The following VPS35 variants were observed in gnomAD, a reference collection of about 807,000 sequenced individuals.
VPS35 encodes VPS35 retromer complex component.
In VPS35, 21 loss-of-function variants were observed where a neutral mutation model predicts 98.1. The ratio of observed to expected loss-of-function variants is 0.21; its 90% CI spans 0.15 to 0.31. VPS35 has a LOEUF of 0.31. Among genes scored for constraint, VPS35 ranks in the 10% least tolerant of loss-of-function variants. The pLI is 1.00. For missense variants in VPS35, 554 were observed against 950.8 expected (o/e 0.58, Z 5.49); for synonymous variants, 268 against 318.2 (o/e 0.84, Z 1.68).
At chr16:46,667,295 T>G (rs1396158652) in intron 13 of VPS35, among the ~76,000 whole-genome samples, 2 of 152,200 alleles carry the variant, frequency 1.3e-5, no homozygotes, top group African/African-American at 2.4e-5. Context: ...CCTTTGCTCA[T>G]TTTTAAATCA....
chr16:46,671,898 A>G, intron 11 of VPS35, 38 bp from the exon 12 acceptor site: 1 of 1,610,974 alleles, frequency 6.2e-7, no homozygotes, highest in Non-Finnish European at 8.5e-7. Context: ...ACTGAGGTGA[A>G]ACCATTGGCA....
At chr16:46,682,247 T>A (rs1966246361) in intron 2 of VPS35, 72 bp from the exon 3 acceptor site, 1 of 1,181,008 alleles carries the variant, frequency 8.5e-7, no homozygotes, top group Non-Finnish European at 1.2e-6. Context: ...GTACAAATTC[T>A]TTACATCAAG....
chr16:46,671,213 T>C (rs1201069878), intron 12 of VPS35, among the ~76,000 whole-genome samples: 1 of 152,156 alleles, frequency 6.6e-6, no homozygotes, highest in African/African-American at 2.4e-5. Flanking sequence ...ATGACAAATA[T>C]AATTTATACT....
intron 15 of VPS35, 36 bp downstream of exon 15, chr16:46,662,207 T>A: frequency 6.2e-7 from 1 of 1,613,950 alleles, no homozygotes; most frequent in Non-Finnish European, 8.5e-7. Context: ...CTGTTATGGA[T>A]CCTGTCTGCT....
At chr16:46,674,540 A>G (rs1966115308) in intron 9 of VPS35, 24 bp downstream of exon 9, 1 of 1,607,110 alleles carries the variant, frequency 6.2e-7, no homozygotes, top group African/African-American at 1.3e-5. Context: ...AGTTTTGAGA[A>G]CTTAGGAGAA....
chr16:46,668,892 A>G, intron 13 of VPS35, 38 bp downstream of exon 13: 1 of 1,612,694 alleles, frequency 6.2e-7, no homozygotes, highest in East Asian at 2.2e-5. Context: ...GTGATGAAAG[A>G]GGAAAAAAAG....
In VPS35 at chr16:46,671,875, G is replaced by A. The variant is rs1354808610; in HGVS notation, c.1369-15C>T. On this transcript the variant is annotated splice_polypyrimidine_tract_variant and intron_variant, in intron 11 of 16. Transcript: ENST00000299138. ...ATGGAATCCACCTGTAACATGCGAG[G>A]CACAAGAAACCCACTGAGGTGAAAC... 6.2e-7 allele frequency: 1 copy of A among 1,611,772 alleles called. No individual in the cohort carries two copies. Among genetic ancestry groups the A allele is most frequent in the South Asian group, 1.1e-5 (1 of 90,932 alleles).
rs546711965 is a variant in VPS35, at chr16:46,668,854, A to C, written c.1647+76T>G. On this transcript the variant is annotated intron_variant, in intron 13 of 16. Coordinates refer to ENST00000299138, the MANE Select transcript of VPS35 (RefSeq NM_018206.6). Reference sequence around the variant, plus strand: ...TTTTGTACGTTTGAAATTTTTTATAATATAAAACAAACACACACACACTCA... The same window carrying C: ...TTTTGTACGTTTGAAATTTTTTATACTATAAAACAAACACACACACACTCA... 9.7e-4 allele frequency: 1,522 copies of C among 1,574,588 alleles called. 2 individuals are homozygous for C. Among genetic ancestry groups the C allele is most frequent in the Non-Finnish European group, 1.3e-3 (1,456 of 1,160,000 alleles).
At position 46,662,469 on chromosome 16, in the gene VPS35, T is replaced by A; in HGVS notation, c.1841A>T (p.Tyr614Phe). The A allele has an allele frequency of 6.2e-7, 1 of 1,614,070 alleles. No homozygotes were observed. The highest frequency in any genetic ancestry group is 8.5e-7 in the Non-Finnish European group (1 of 1,180,032). ...YEFMSQAFSL[Y>F]EDEISDSKAQ... ...TTTGGAATCGCTGATTTCATCTTCA[T>A]ACAGAGAAAATGCCTAGTGAACATA... Residue 614 changes from tyrosine (Y) to phenylalanine (F), a missense_variant, in exon 15 of 17, where the codon TAT (tyrosine) becomes TTT (phenylalanine). By Grantham distance (22) the Tyr-to-Phe change is conservative. Around this residue, in one of 5 missense-constraint regions of VPS35, gnomAD observed 3 missense variants for 24.0 expected, o/e 0.13. Transcript: ENST00000299138.
At chr16:46,672,826 T>C (rs1191851546) in intron 10 of VPS35, among the ~76,000 whole-genome samples, 3 of 152,218 alleles carry the variant, frequency 2.0e-5, no homozygotes, top group Non-Finnish European at 4.4e-5. Flanking sequence ...CCAACAAGTA[T>C]TGTATATTCA....
chr16:46,679,496 G>A (rs1332165773), intron 5 of VPS35, among the ~76,000 whole-genome samples: 1 of 152,200 alleles, frequency 6.6e-6, no homozygotes, highest in African/African-American at 2.4e-5. Flanking sequence ...GGAGGCCAAG[G>A]CAGGAAGATC....
rs1965852421 is a variant in VPS35 at position 46,657,466 on chromosome 16, T to C, written c.*3006A>G. On this transcript the variant is annotated 3_prime_UTR_variant, in exon 17 of 17. Coordinates refer to ENST00000299138, the MANE Select transcript of VPS35 (RefSeq NM_018206.6). ...TCCCCTCAGTGCCTGTGGTGGTGCA[T>C]TTATTCCTTGAGGTCTGTCACATTT... The C allele has an allele frequency of 6.6e-6, 1 of 152,230 alleles. No homozygotes were observed. The highest frequency in any genetic ancestry group is 6.5e-5 in the Admixed American group (1 of 15,282). 9.4% of individuals were successfully genotyped at this position (152,230 alleles called of 1,614,324 possible).
chr16:46,656,730 G>A lies in VPS35; in HGVS notation c.*3742C>T, dbSNP rs1282615067. On this transcript the variant is annotated 3_prime_UTR_variant, in exon 17 of 17. Transcript: ENST00000299138. The stretch of plus-strand genomic sequence containing the variant: ...AGTGGTACAATATACAATCTGGCTG[G>A]GCAAGGTGGCTCATGCCTGTAATTC... 4 of 152,404 alleles carry A rather than the reference G, an allele frequency of 2.6e-5. No homozygotes were observed. Among genetic ancestry groups the A allele is most frequent in the South Asian group, 4.1e-4 (2 of 4,828 alleles). The allele number at this position is 152,404 out of a possible 1,614,324, so 9.4% of individuals were successfully genotyped here. A position where few individuals can be genotyped will look rare whatever the true frequency, so the allele number is the denominator to read the frequency against.
At chr16:46,662,946 G>A in intron 14 of VPS35, 37 bp downstream of exon 14, 1 of 1,613,364 alleles carries the variant, frequency 6.2e-7, no homozygotes, top group Non-Finnish European at 8.5e-7. Flanking sequence ...GAACCCAGCA[G>A]AGCTGACATG....
Position 46,660,272 on chromosome 16 carries a change from C to T in VPS35, c.*200G>A. ...ATGCTACTTGGGGTGATCAGAAAGA[C>T]TTGAACACTTACCAAGTGAATAATT... On this transcript the variant is annotated 3_prime_UTR_variant, in exon 17 of 17. Transcript: ENST00000299138. 1 of 360,006 alleles carries T rather than the reference C, an allele frequency of 2.8e-6. No individual in the cohort carries two copies. 22.3% of individuals were successfully genotyped at this position (360,006 alleles called of 1,614,324 possible).
intron 5 of VPS35, among the ~76,000 whole-genome samples, chr16:46,679,605 A>G (rs1596722597): frequency 6.6e-6 from 1 of 152,234 alleles, no homozygotes; most frequent in African/African-American, 2.4e-5. Context: ...TGTAACACTT[A>G]TGGTGTACTG....
At chr16:46,673,133 TTTTTAA>T (rs1405725010) in intron 10 of VPS35, among the ~76,000 whole-genome samples, 2 of 152,094 alleles carry the variant, frequency 1.3e-5, no homozygotes, top group African/African-American at 4.8e-5. Context: ...ATTTTTTTTA[TTTTTAA>T]TTTTATTTTT....
chr16:46,662,872 T>C (rs562254823), intron 14 of VPS35, 111 bp downstream of exon 14: 6 of 1,204,030 alleles, frequency 5.0e-6, no homozygotes, highest in Middle Eastern at 2.4e-4. Flanking sequence ...AGGTGGTAGT[T>C]ACACATTCAG....
intron 11 of VPS35, 136 bp downstream of exon 11, chr16:46,672,129 A>T (rs1172912674): frequency 2.5e-6 from 2 of 814,074 alleles, no homozygotes; most frequent in East Asian, 5.4e-5. Context: ...TCCAATTTTT[A>T]ATTTATATAA....
Sources: gnomAD v4.1 joint callset for allele counts (sites outside exome capture counted in the v4.1 genomes callset) on GRCh38, gnomAD v4.1.1 for gene constraint, gnomAD v4.1.1 regional missense constraint, MANE v1.5 for transcripts, NCBI Gene and HGNC (gene_info 2026-07-23, HGNC 2026-07-21) for gene names.